The following EREG variants were observed in gnomAD, a reference collection of about 807,000 sequenced individuals.
EREG encodes proepiregulin.
In EREG, 23 loss-of-function variants were observed where a neutral mutation model predicts 22.4. The observed-to-expected ratio is 1.03, with a 90% CI of 0.74 to 1.46. EREG has a LOEUF of 1.46. Ranked by LOEUF, EREG falls within the 40% of genes most tolerant of loss-of-function variation. The pLI is 0.00. For missense variants in EREG, 226 were observed against 205.9 expected (o/e 1.10, Z -0.60); for synonymous variants, 100 against 75.4 (o/e 1.33, Z -1.69).
At position 74,387,701 on chromosome 4, in the gene EREG, A is replaced by G. The variant is rs1752595178; in HGVS notation, c.*2893A>G. The stretch of plus-strand genomic sequence containing the variant: ...AGTTCACACTTAGTCTAACTCCCCC[A>G]TTTTACAGATTTCTCACTATATATA... On this transcript the variant is annotated 3_prime_UTR_variant, in exon 5 of 5. Transcript: ENST00000244869. 6.6e-6 allele frequency: 1 copy of G among 152,120 alleles called. No homozygotes were observed. The highest frequency in any genetic ancestry group is 1.5e-5 in the Non-Finnish European group (1 of 68,008). 9.4% of individuals were successfully genotyped at this position (152,120 alleles called of 1,614,324 possible).
At chr4:74,379,355 A>T in intron 1 of EREG, 93 bp from the exon 2 acceptor site, 1 of 738,532 alleles carries the variant, frequency 1.4e-6, no homozygotes, top group South Asian at 1.9e-5. Flanking sequence ...GTGAAACAAA[A>T]CAACTCTATA....
At position 74,381,113 on chromosome 4, in the gene EREG, T is replaced by C. The variant is rs764438350; in HGVS notation, c.254T>C (p.Val85Ala). 6.2e-7 allele frequency: 1 copy of C among 1,612,968 alleles called. No individual in the cohort carries two copies. Among genetic ancestry groups the C allele is most frequent in the South Asian group, 1.1e-5 (1 of 90,688 alleles). Residue 85 changes from valine to alanine, a missense_variant, in exon 3 of 5, where the codon GTG (valine) becomes GCG (alanine). By Grantham distance (64) the Val-to-Ala change is moderately conservative. Transcript: ENST00000244869. ...YCLHGQCIYL[V>A]DMSQNYCRCE... is the part of the protein sequence containing the mutation. ...TTGCATGGACAGTGCATCTATCTGG[T>C]GGACATGAGTCAAAACTACTGCAGG...
Position 74,387,740 on chromosome 4 carries a change from C to T in EREG, c.*2932C>T, listed in dbSNP as rs985558865. 6 of 152,118 alleles carry T rather than the reference C, an allele frequency of 3.9e-5. No homozygotes were observed. The highest frequency in any genetic ancestry group is 7.4e-5 in the Non-Finnish European group (5 of 68,010). The allele number at this position is 152,118 out of a possible 1,614,324, so 9.4% of individuals were successfully genotyped here. On this transcript the variant is annotated 3_prime_UTR_variant, in exon 5 of 5. Coordinates refer to ENST00000244869, the MANE Select transcript of EREG (RefSeq NM_001432.3). Reference sequence around the variant, plus strand: ...TCACTATATATATTTCTAGAAGGGGCTATGCATATTCAATGTATTGAGAAC... The same window carrying T: ...TCACTATATATATTTCTAGAAGGGGTTATGCATATTCAATGTATTGAGAAC...
chr4:74,365,478 C>A, intron 1 of EREG, 103 bp downstream of exon 1: 2 of 753,286 alleles, frequency 2.7e-6, no homozygotes, highest in Non-Finnish European at 3.8e-6. Context: ...TCTCCAGGTT[C>A]AAGTGTGCTC....
intron 1 of EREG, among the ~76,000 whole-genome samples, chr4:74,372,738 C>T (rs930753009): frequency 6.6e-6 from 1 of 150,646 alleles, no homozygotes. Context: ...TTAGGGGAGG[C>T]AAGTCCCACC....
intron 1 of EREG, among the ~76,000 whole-genome samples, chr4:74,369,296 C>A (rs1386735017): frequency 6.6e-6 from 1 of 151,848 alleles, no homozygotes; most frequent in Non-Finnish European, 1.5e-5. Context: ...CAATCCCTAG[C>A]CCACCTTCCA....
chr4:74,381,041 C>G lies in EREG; in HGVS notation c.182C>G (p.Ala61Gly). 2 of 1,613,640 alleles carry G rather than the reference C, an allele frequency of 1.2e-6. No homozygotes were observed. Among genetic ancestry groups the G allele is most frequent in the Non-Finnish European group, 1.7e-6 (2 of 1,179,742 alleles). Residue 61 changes from alanine to glycine, a missense_variant, in exon 3 of 5, where the codon GCT becomes GGT. Physicochemically the swap from Ala to Gly is moderately conservative, Grantham distance 60. Transcript: ENST00000244869. ...LVQTEDNPRV[A>G]QVSITKCSSD... is the part of the protein sequence containing the mutation. ...CAGACAGAAGACAATCCACGTGTGGCTCAAGTGTCAATAACAAAGTGTAGC... is the reference window on the plus strand; with the variant it reads ...CAGACAGAAGACAATCCACGTGTGGGTCAAGTGTCAATAACAAAGTGTAGC...
chr4:74,373,033 T>C lies in EREG; in HGVS notation c.68-6415T>C, dbSNP rs180989490. On this transcript the variant is annotated intron_variant, in intron 1 of 4. Transcript: ENST00000244869. ...GGTTTCACCATGTTGGCCAGGATGG[T>C]CTCGATCTCTTGACCTCATGATCCA... Among the ~76,000 whole-genome samples, 223 of 147,638 alleles carry C rather than the reference T, an allele frequency of 1.5e-3. 2 individuals are homozygous for C. Among genetic ancestry groups the C allele is most frequent in the African/African-American group, 5.1e-3 (204 of 39,834 alleles).
chr4:74,375,273 C>T (rs1752359033), intron 1 of EREG, among the ~76,000 whole-genome samples: 1 of 149,780 alleles, frequency 6.7e-6, no homozygotes, highest in Non-Finnish European at 1.5e-5. Flanking sequence ...TATTCCCTCC[C>T]TGTATGACTC....
chr4:74,384,381 G>T (rs1169857941), intron 4 of EREG, among the ~76,000 whole-genome samples: 1 of 151,996 alleles, frequency 6.6e-6, no homozygotes, highest in Non-Finnish European at 1.5e-5. Context: ...TCATTCCTTA[G>T]AAGGGAGGAA....
chr4:74,381,200 A>T, intron 3 of EREG, 63 bp downstream of exon 3: 1 of 1,460,788 alleles, frequency 6.8e-7, no homozygotes. Flanking sequence ...TTAGGGGTAC[A>T]AGTGCAGATT....
chr4:74,382,716 A>G lies in EREG; in HGVS notation c.350A>G (p.Glu117Gly). The G allele has an allele frequency of 6.2e-7, 1 of 1,613,704 alleles. No homozygotes were observed. The highest frequency in any genetic ancestry group is 8.5e-7 in the Non-Finnish European group (1 of 1,179,620). Residue 117 changes from glutamate to glycine, a missense_variant, in exon 4 of 5, where the codon GAA (glutamate) becomes GGA (glycine). Glu to Gly is a moderately conservative substitution (Grantham distance 98, BLOSUM62 -2). Coordinates refer to ENST00000244869, the MANE Select transcript of EREG (RefSeq NM_001432.3). The stretch of plus-strand genomic sequence containing the variant: ...ACCGTCCACCAACCTTTAAGCAAAG[A>G]ATATGTGGCTTTGACCGTGATTCTT... ...FLTVHQPLSK[E>G]YVALTVILII...
intron 1 of EREG, among the ~76,000 whole-genome samples, chr4:74,366,547 T>A (rs1030488397): frequency 6.6e-6 from 1 of 152,208 alleles, no homozygotes; most frequent in African/African-American, 2.4e-5. Flanking sequence ...GCTGTCTTTG[T>A]TTTGAAAAGA....
Position 74,365,264 on chromosome 4 carries a change from C to T in EREG, c.-45C>T, listed in dbSNP as rs971774968. On this transcript the variant is annotated 5_prime_UTR_variant, in exon 1 of 5. Transcript: ENST00000244869. The stretch of plus-strand genomic sequence containing the variant: ...TGCTCCCGCCCTGCCCGTGCACTCT[C>T]CGCAGCCGCCCTCCGCCAAGCCCCA... 3 of 1,535,528 alleles carry T rather than the reference C, an allele frequency of 2.0e-6. No individual in the cohort carries two copies. The highest frequency in any genetic ancestry group is 2.7e-6 in the Non-Finnish European group (3 of 1,124,726).
intron 1 of EREG, among the ~76,000 whole-genome samples, chr4:74,372,736 G>A (rs1752311010): frequency 6.6e-6 from 1 of 151,558 alleles, no homozygotes. Context: ...TTTTAGGGGA[G>A]GCAAGTCCCA....
At position 74,384,814 on chromosome 4, in the gene EREG, G is replaced by A. The variant is rs202042457; in HGVS notation, c.*6G>A. The A allele has an allele frequency of 1.1e-4, 182 of 1,585,176 alleles. No homozygotes were observed. Among genetic ancestry groups the A allele is most frequent in the Non-Finnish European group, 1.4e-4 (166 of 1,154,546 alleles). On this transcript the variant is annotated 3_prime_UTR_variant, in exon 5 of 5. Coordinates refer to ENST00000244869, the MANE Select transcript of EREG (RefSeq NM_001432.3). Reference sequence around the variant, plus strand: ...CAGAGTTGCCGCAAGTCTGAATGGCGCCATCAAACTTATGGGCAGGGATAA... The same window carrying A: ...CAGAGTTGCCGCAAGTCTGAATGGCACCATCAAACTTATGGGCAGGGATAA...
intron 1 of EREG, among the ~76,000 whole-genome samples, chr4:74,370,870 C>T (rs1220074659): frequency 6.6e-6 from 1 of 152,186 alleles, no homozygotes; most frequent in African/African-American, 2.4e-5. Context: ...TGCAGGGAAA[C>T]AAAATAAGTA....
At chr4:74,374,717 G>A (rs971018763) in intron 1 of EREG, among the ~76,000 whole-genome samples, 47 of 151,978 alleles carry the variant, frequency 3.1e-4, no homozygotes, top group African/African-American at 1.1e-3. Context: ...TCCCACGCGC[G>A]GTCCCCAATA....
chr4:74,365,843 C>T (rs1367265211), intron 1 of EREG, among the ~76,000 whole-genome samples: 2 of 152,078 alleles, frequency 1.3e-5, no homozygotes, highest in African/African-American at 4.8e-5. Flanking sequence ...TTTTCTAAAA[C>T]CTAGCCTGGT....
Sources: allele counts gnomAD v4.1 joint callset (sites outside exome capture counted in the v4.1 genomes callset), GRCh38; gene constraint gnomAD v4.1.1; transcripts MANE v1.5; gene names NCBI Gene and HGNC (gene_info 2026-07-23, HGNC 2026-07-21).